CAMTA1: variants seen among roughly 807,000 people sequenced by gnomAD.
The protein encoded by CAMTA1 is calmodulin binding transcription activator 1.
Under a neutral mutation model 170.9 loss-of-function variants are expected in CAMTA1, and 27 were observed. The ratio of observed to expected loss-of-function variants is 0.16; its 90% CI spans 0.12 to 0.22. CAMTA1 has a LOEUF of 0.22. CAMTA1 is among the 10% of genes least tolerant of loss of function. The pLI is 1.00. For synonymous variants in CAMTA1, 833 were observed against 891.5 expected, an observed-to-expected ratio of 0.93 and a Z score of 1.17; for missense variants, 1,619 against 2,217.2, an observed-to-expected ratio of 0.73 and a Z score of 5.42.
At chr1:6,883,920 A>C (rs1243697738) in intron 3 of CAMTA1, among the ~76,000 whole-genome samples, 1 of 152,130 alleles carries the variant, frequency 6.6e-6, no homozygotes, top group Non-Finnish European at 1.5e-5. Flanking sequence ...ACCATGTAGT[A>C]AGTATAAAAA....
chr1:7,706,149 A>G (rs1475828956), intron 11 of CAMTA1, among the ~76,000 whole-genome samples: 1 of 152,216 alleles, frequency 6.6e-6, no homozygotes, highest in Non-Finnish European at 1.5e-5. Flanking sequence ...AAGGACGACA[A>G]TTTTAAAGTC....
chr1:7,362,287 G>A (rs2085596406), intron 5 of CAMTA1, among the ~76,000 whole-genome samples: 1 of 152,194 alleles, frequency 6.6e-6, no homozygotes, highest in Non-Finnish European at 1.5e-5. Flanking sequence ...TAGAGTTAGT[G>A]GACTTGGGTA....
At chr1:7,454,093 C>T (rs2092895210) in intron 5 of CAMTA1, among the ~76,000 whole-genome samples, 1 of 152,244 alleles carries the variant, frequency 6.6e-6, no homozygotes, top group South Asian at 2.1e-4. Flanking sequence ...GAGGGGAGCT[C>T]TGACTCTGTC....
At chr1:6,939,215 G>T (rs950142234) in intron 3 of CAMTA1, among the ~76,000 whole-genome samples, 2 of 152,242 alleles carry the variant, frequency 1.3e-5, no homozygotes, top group African/African-American at 2.4e-5. Context: ...CACTAGTTCA[G>T]CAGGGGAACT....
Position 7,144,897 on chromosome 1 carries a change from A to G in CAMTA1, c.302+53526A>G, listed in dbSNP as rs549392356. Among the ~76,000 whole-genome samples the G allele has an allele frequency of 5.3e-5, 8 of 152,368 alleles. No individual in the cohort carries two copies. Among genetic ancestry groups the G allele is most frequent in the African/African-American group, 1.7e-4 (7 of 41,592 alleles). The stretch of plus-strand genomic sequence containing the variant: ...ATTTGTCCTCCACAACTACCTGGTG[A>G]GGCAGCACTTGCTTTTTCTTCCCAT... On this transcript the variant is annotated intron_variant, in intron 4 of 22. Coordinates refer to ENST00000303635, the MANE Select transcript of CAMTA1 (RefSeq NM_015215.4). This position sits in a 1 kb window ranked among gnomAD's most constrained non-coding sequence, Gnocchi z 4.0.
intron 5 of CAMTA1, among the ~76,000 whole-genome samples, chr1:7,416,136 G>C (rs537237181): frequency 3.9e-5 from 6 of 152,310 alleles, no homozygotes; most frequent in East Asian, 3.9e-4. Flanking sequence ...TCCGCTGTTA[G>C]TCTGATGGGC....
intron 3 of CAMTA1, among the ~76,000 whole-genome samples, chr1:6,950,282 T>C (rs1024538301): frequency 2.0e-5 from 3 of 152,236 alleles, no homozygotes; most frequent in Non-Finnish European, 4.4e-5. Flanking sequence ...CCATGGAGGC[T>C]GTCAGTTCCT....
At chr1:7,722,150 G>A (rs530812024) in intron 11 of CAMTA1, among the ~76,000 whole-genome samples, 1 of 152,222 alleles carries the variant, frequency 6.6e-6, no homozygotes, top group African/African-American at 2.4e-5. Flanking sequence ...CCAGACACTC[G>A]GGATTCTCCA....
chr1:7,654,113 G>T (rs540183426), intron 7 of CAMTA1, among the ~76,000 whole-genome samples: 2 of 152,118 alleles, frequency 1.3e-5, no homozygotes, highest in Admixed American at 1.3e-4. Flanking sequence ...AGGCGTGGTG[G>T]CTCACACCTG....
rs900583234 is a variant in CAMTA1, at chr1:7,592,022, C to G, written c.511-48378C>G. Among the ~76,000 whole-genome samples the G allele has an allele frequency of 1.3e-5, 2 of 152,208 alleles. No individual in the cohort carries two copies. Among genetic ancestry groups the G allele is most frequent in the African/African-American group, 4.8e-5 (2 of 41,450 alleles). The stretch of plus-strand genomic sequence containing the variant: ...CAAGTGATTCTCCTGCCTCAGCCTC[C>G]TAAGTAGCTGGGATTACAGGTGCAT... On this transcript the variant is annotated intron_variant, in intron 6 of 22. Coordinates refer to ENST00000303635, the MANE Select transcript of CAMTA1 (RefSeq NM_015215.4). This position sits in a 1 kb window ranked among gnomAD's most constrained non-coding sequence, Gnocchi z 4.6.
At chr1:7,310,417 C>T (rs1676280245) in intron 5 of CAMTA1, among the ~76,000 whole-genome samples, 1 of 152,184 alleles carries the variant, frequency 6.6e-6, no homozygotes, top group Non-Finnish European at 1.5e-5. Flanking sequence ...CATTGTCTCA[C>T]TAACACAGTC....
chr1:6,807,931 A>C (rs1644714307), intron 1 of CAMTA1, among the ~76,000 whole-genome samples: 1 of 151,968 alleles, frequency 6.6e-6, no homozygotes, highest in African/African-American at 2.4e-5. Context: ...TAAGTGATTC[A>C]AGACAAGTCA....
chr1:7,260,755 C>T (rs1668045101), intron 5 of CAMTA1, among the ~76,000 whole-genome samples: 1 of 152,214 alleles, frequency 6.6e-6, no homozygotes, highest in African/African-American at 2.4e-5. Context: ...TGGGAGGGCA[C>T]AGATGCTATT....
Position 7,337,898 on chromosome 1 carries a change from A to C in CAMTA1, c.438+88272A>C, listed in dbSNP as rs1226311131. ...AATTTCCAGCCCGCTTGTCCGCCCA[A>C]CAAATTTGGGATTTGTCAGTCCCCA... On this transcript the variant is annotated intron_variant, in intron 5 of 22. Transcript: ENST00000303635. Among the ~76,000 whole-genome samples, 4 of 152,128 alleles carry C rather than the reference A, an allele frequency of 2.6e-5. No individual in the cohort carries two copies. The East Asian group carries it at 7.7e-4, about 29-fold the overall frequency.
chr1:7,077,843 G>A (rs1308269589), intron 3 of CAMTA1, among the ~76,000 whole-genome samples: 1 of 152,118 alleles, frequency 6.6e-6, no homozygotes, highest in African/African-American at 2.4e-5. Flanking sequence ...GCTGTTGTCT[G>A]CTACCATGAA....
chr1:6,888,837 T>TA (rs1673904123), intron 3 of CAMTA1, among the ~76,000 whole-genome samples: 1 of 152,008 alleles, frequency 6.6e-6, no homozygotes, highest in Admixed American at 6.5e-5. Context: ...TTTTTTTTTT[T>TA]AAGCAAAGAA....
At chr1:7,654,848 A>C (rs2095873001) in intron 7 of CAMTA1, among the ~76,000 whole-genome samples, 1 of 144,850 alleles carries the variant, frequency 6.9e-6, no homozygotes, top group Non-Finnish European at 1.5e-5. Flanking sequence ...GAACACACCC[A>C]CCTGTACACA....
At chr1:7,638,760 C>T (rs1225386007) in intron 6 of CAMTA1, among the ~76,000 whole-genome samples, 1 of 152,120 alleles carries the variant, frequency 6.6e-6, no homozygotes, top group African/African-American at 2.4e-5. Flanking sequence ...CTTTAACAAA[C>T]TTGTCAGTAT....
At chr1:6,860,103 A>C (rs1304625753) in intron 3 of CAMTA1, among the ~76,000 whole-genome samples, 1 of 151,998 alleles carries the variant, frequency 6.6e-6, no homozygotes, top group Non-Finnish European at 1.5e-5. Context: ...CTTTTAAAAG[A>C]AGTATGTATA....
Sources: gnomAD v4.1 joint callset for allele counts (sites outside exome capture counted in the v4.1 genomes callset) on GRCh38, gnomAD v4.1.1 for gene constraint, Gnocchi (gnomAD v3.1) non-coding constraint, MANE v1.5 for transcripts, NCBI Gene and HGNC (gene_info 2026-07-23, HGNC 2026-07-21) for gene names.